Variants in MBNL1 observed in about 807,000 individuals in gnomAD.
MBNL1 encodes muscleblind like splicing regulator 1, also known as muscleblind-like protein 1.
A neutral mutation model predicts 42.2 loss-of-function variants in MBNL1; 8 were observed. That is an observed-to-expected ratio of 0.19 (90% CI 0.11 to 0.34). MBNL1 has a LOEUF of 0.34. Ranked by LOEUF, MBNL1 falls within the 10% of genes least tolerant of loss-of-function variation. The probability of loss-of-function intolerance (pLI) is 1.00; values close to 1 mark genes in which losing one functional copy is unlikely to be tolerated. For synonymous variants in MBNL1, 169 were observed against 173.9 expected (o/e 0.97, Z 0.22); for missense variants, 309 against 495.3 (o/e 0.62, Z 3.57).
chr3:152,448,602 G>A (rs999991446), intron 6 of MBNL1, among the ~76,000 whole-genome samples: 1 of 151,778 alleles, frequency 6.6e-6, no homozygotes, highest in African/African-American at 2.4e-5. Flanking sequence ...GAATACCATG[G>A]TTTTAGAGAC....
intron 1 of MBNL1, among the ~76,000 whole-genome samples, chr3:152,275,517 T>G (rs2044474480): frequency 6.6e-6 from 1 of 152,034 alleles, no homozygotes; most frequent in Admixed American, 6.6e-5. Context: ...GAGGCCGTCT[T>G]GGCCAACATG....
At chr3:152,347,616 A>T (rs1009068091) in intron 2 of MBNL1, among the ~76,000 whole-genome samples, 1 of 152,128 alleles carries the variant, frequency 6.6e-6, no homozygotes, top group Non-Finnish European at 1.5e-5. Context: ...AAAATCATGT[A>T]AGAAGACAGT....
chr3:152,311,954 G>T (rs1302637448), intron 2 of MBNL1, among the ~76,000 whole-genome samples: 1 of 151,898 alleles, frequency 6.6e-6, no homozygotes, highest in African/African-American at 2.4e-5. Flanking sequence ...ACTTTGGGAG[G>T]CCGAGGCGGG....
In MBNL1 at chr3:152,465,228, T is replaced by C. The variant is rs1291165502; in HGVS notation, c.*2862T>C. On this transcript the variant is annotated 3_prime_UTR_variant, in exon 10 of 10. Transcript: ENST00000324210. ...CAAAAAAAGAGAGAAAGAACTATAC[T>C]AAGAACATATATTATTCAGATCAGT... 1.3e-5 allele frequency: 2 copies of C among 152,344 alleles called. No individual in the cohort carries two copies. The highest frequency in any genetic ancestry group is 2.4e-5 in the African/African-American group (1 of 41,580). 9.4% of individuals were successfully genotyped at this position (152,344 alleles called of 1,614,324 possible). A position where few individuals can be genotyped will look rare whatever the true frequency, so the allele number is the denominator to read the frequency against.
At chr3:152,278,117 AG>A (rs2046343575) in intron 1 of MBNL1, among the ~76,000 whole-genome samples, 1 of 152,092 alleles carries the variant, frequency 6.6e-6, no homozygotes, top group Non-Finnish European at 1.5e-5. Flanking sequence ...CTAATTTTTA[AG>A]TAACTAAGAT....
chr3:152,362,068 T>TA (rs2096005200), intron 2 of MBNL1, among the ~76,000 whole-genome samples: 1 of 152,204 alleles, frequency 6.6e-6, no homozygotes, highest in Non-Finnish European at 1.5e-5. Context: ...TAGATGTCAT[T>TA]TAGAGCATTT....
At chr3:152,301,051 A>AC in intron 2 of MBNL1, 2 of 264,460 alleles carry the variant, frequency 7.6e-6, no homozygotes, top group Non-Finnish European at 1.2e-5. Context: ...TTCTAATGTG[A>AC]ATTAGCAGTT....
chr3:152,419,915 G>A (rs1357601887), intron 3 of MBNL1, among the ~76,000 whole-genome samples: 1 of 152,138 alleles, frequency 6.6e-6, no homozygotes, highest in Non-Finnish European at 1.5e-5. Flanking sequence ...ATCGAGCTTG[G>A]TAGTGGGAGG....
chr3:152,341,560 G>C (rs1292094915), intron 2 of MBNL1, among the ~76,000 whole-genome samples: 1 of 152,130 alleles, frequency 6.6e-6, no homozygotes, highest in African/African-American at 2.4e-5. Context: ...GACTAGTACT[G>C]CTCAATTCCC....
chr3:152,305,570 C>A (rs2062679449), intron 2 of MBNL1, among the ~76,000 whole-genome samples: 1 of 151,570 alleles, frequency 6.6e-6, no homozygotes, highest in South Asian at 2.1e-4. Context: ...AACAGCTAGG[C>A]CAAAAATCAT....
At chr3:152,409,337 G>GAATTGAT (rs1184269323) in intron 2 of MBNL1, among the ~76,000 whole-genome samples, 6 of 151,968 alleles carry the variant, frequency 3.9e-5, no homozygotes, top group African/African-American at 1.4e-4. Flanking sequence ...CCAGGCATTA[G>GAATTGAT]AATTGATAAC....
Position 152,449,910 on chromosome 3 carries a change from G to T in MBNL1, c.961+2137G>T, listed in dbSNP as rs527781274. 2.7e-4 allele frequency among the ~76,000 whole-genome samples: 41 copies of T among 152,098 alleles called. 1 individual carries two copies. The highest frequency in any genetic ancestry group is 9.2e-4 in the African/African-American group (38 of 41,516). ...ACTTGAGGTCAGGAGTTTGAGGCCA[G>T]CGTGGCCAACATGGCGAAACCCCAT... is the stretch of plus-strand genomic sequence containing the variant. On this transcript the variant is annotated intron_variant, in intron 6 of 9. Transcript: ENST00000324210.
chr3:152,250,784 G>A (rs1266092835), intron 2 of MBNL1, among the ~76,000 whole-genome samples: 3 of 151,764 alleles, frequency 2.0e-5, no homozygotes, highest in Non-Finnish European at 2.9e-5. Context: ...ATTATTTTGA[G>A]ATACGTCCCA....
chr3:152,272,041 C>T (rs1308919180), intron 1 of MBNL1, among the ~76,000 whole-genome samples: 10 of 49,194 alleles, frequency 2.0e-4, no homozygotes, highest in African/African-American at 7.7e-4. Context: ...TGTTTCTTTT[C>T]TCTCTCTCTC....
At chr3:152,249,662 T>C (rs1299614244) in intron 2 of MBNL1, among the ~76,000 whole-genome samples, 7 of 151,028 alleles carry the variant, frequency 4.6e-5, no homozygotes, top group Non-Finnish European at 1.0e-4. Context: ...GTTGCCATTC[T>C]TTTTGGTGTT....
At chr3:152,286,437 T>TA (rs1577147251) in intron 1 of MBNL1, among the ~76,000 whole-genome samples, 1 of 68,024 alleles carries the variant, frequency 1.5e-5, no homozygotes, top group East Asian at 6.0e-4. Context: ...AATATAAATA[T>TA]TTATATTTTA....
rs558326905 is a variant in MBNL1 at position 152,280,563 on chromosome 3, T to C, written c.-790+11471T>C. On this transcript the variant is annotated intron_variant, in intron 1 of 9. Coordinates refer to ENST00000324210, the MANE Select transcript of MBNL1 (RefSeq NM_021038.5). ...AATCTTCCTCATGCTAAATTCTTGA[T>C]TGGAAGCAGGTTAAAACACTCAGGT... Among the ~76,000 whole-genome samples the C allele has an allele frequency of 4.1e-4, 62 of 152,260 alleles. 1 individual carries two copies. Among genetic ancestry groups the C allele is most frequent in the African/African-American group, 1.4e-3 (59 of 41,560 alleles).
intron 2 of MBNL1, chr3:152,340,257 G>C (rs1578250520): frequency 5.6e-6 from 2 of 356,228 alleles, no homozygotes; most frequent in Middle Eastern, 7.7e-4. Flanking sequence ...AGGAGGTCGA[G>C]GCTGCAGGCA....
At chr3:152,451,551 G>A (rs1723030146) in intron 6 of MBNL1, among the ~76,000 whole-genome samples, 2 of 151,756 alleles carry the variant, frequency 1.3e-5, no homozygotes, top group Non-Finnish European at 2.9e-5. Context: ...TATGCCACAT[G>A]GTATACCAGT....
Sources: allele counts gnomAD v4.1 joint callset (sites outside exome capture counted in the v4.1 genomes callset), GRCh38; gene constraint gnomAD v4.1.1; transcripts MANE v1.5; gene names NCBI Gene and HGNC (gene_info 2026-07-23, HGNC 2026-07-21).